STPG4: variants seen among roughly 807,000 people sequenced by gnomAD.
The protein encoded by STPG4 is sperm-tail PG-rich repeat containing 4, also known as protein STPG4.
Under a neutral mutation model 31.5 loss-of-function variants are expected in STPG4, and 41 were observed. The ratio of observed to expected loss-of-function variants is 1.30; its 90% CI spans 1.01 to 1.69. STPG4 has a LOEUF of 1.69. STPG4 is among the 40% of genes most tolerant of loss of function. The pLI is 0.00. For missense variants in STPG4, 375 were observed against 293.4 expected (o/e 1.28, Z -2.03); for synonymous variants, 141 against 103.0 (o/e 1.37, Z -2.24).
intron 5 of STPG4, among the ~76,000 whole-genome samples, chr2:47,100,823 C>G (rs1355288011): frequency 6.6e-6 from 1 of 151,674 alleles, no homozygotes; most frequent in East Asian, 1.9e-4. Context: ...CCAGTGATAC[C>G]ACGAACCCAC....
At chr2:47,128,194 A>G (rs1686401859) in intron 5 of STPG4, among the ~76,000 whole-genome samples, 1 of 152,040 alleles carries the variant, frequency 6.6e-6, no homozygotes, top group African/African-American at 2.4e-5. Flanking sequence ...CTTCCCCCAA[A>G]CAAACGAAGT....
chr2:47,114,082 T>C (rs184537414), intron 5 of STPG4, among the ~76,000 whole-genome samples: 3 of 150,452 alleles, frequency 2.0e-5, no homozygotes, highest in East Asian at 4.0e-4. Context: ...GAAAAGACTA[T>C]GCATTGGGCT....
intron 3 of STPG4, among the ~76,000 whole-genome samples, chr2:47,137,509 T>C (rs1268226384): frequency 6.6e-6 from 1 of 152,120 alleles, no homozygotes; most frequent in Non-Finnish European, 1.5e-5. Flanking sequence ...AGTTAGGAGG[T>C]GTGTCCCCTG....
At chr2:47,130,070 C>T (rs1438924719) in intron 4 of STPG4, 75 bp from the exon 5 acceptor site, 1 of 1,478,080 alleles carries the variant, frequency 6.8e-7, no homozygotes, top group African/African-American at 1.4e-5. Context: ...TTATTCCCTA[C>T]CTTTCATTAA....
chr2:47,098,372 T>C (rs1244051193), intron 5 of STPG4, among the ~76,000 whole-genome samples: 1 of 152,212 alleles, frequency 6.6e-6, no homozygotes, highest in Non-Finnish European at 1.5e-5. Flanking sequence ...CTAATATCTC[T>C]ATTTAACAGA....
At chr2:47,151,586 G>T in intron 2 of STPG4, 71 bp from the exon 3 acceptor site, 1 of 1,312,092 alleles carries the variant, frequency 7.6e-7, no homozygotes, top group Non-Finnish European at 1.1e-6. Flanking sequence ...ATTCTTGGAT[G>T]GGAAGCTCCC....
At chr2:47,107,407 A>T (rs1471847842) in intron 5 of STPG4, among the ~76,000 whole-genome samples, 2 of 152,118 alleles carry the variant, frequency 1.3e-5, no homozygotes, top group African/African-American at 2.4e-5. Context: ...CCGGGCAACG[A>T]GGGGCTTAGC....
intron 3 of STPG4, among the ~76,000 whole-genome samples, chr2:47,146,893 T>C (rs1389495918): frequency 1.3e-5 from 2 of 151,776 alleles, no homozygotes; most frequent in East Asian, 3.9e-4. Context: ...TCTCAGCACT[T>C]TGGGGGGATG....
chr2:47,099,592 G>A (rs542790271), intron 5 of STPG4, among the ~76,000 whole-genome samples: 61 of 152,256 alleles, frequency 4.0e-4, no homozygotes, highest in Non-Finnish European at 6.3e-4. Context: ...GCCCTCGCTC[G>A]CTCTCGGCGC....
intron 5 of STPG4, among the ~76,000 whole-genome samples, chr2:47,102,430 C>A (rs1664750696): frequency 6.6e-6 from 1 of 151,792 alleles, no homozygotes; most frequent in Non-Finnish European, 1.5e-5. Flanking sequence ...CCAGTATTCT[C>A]TCTCTGATGG....
At chr2:47,102,936 G>T (rs923665065) in intron 5 of STPG4, among the ~76,000 whole-genome samples, 3 of 151,876 alleles carry the variant, frequency 2.0e-5, no homozygotes, top group African/African-American at 7.3e-5. Context: ...GACCTCACTT[G>T]GAGAGATGTC....
At chr2:47,126,771 A>AT (rs1361073987) in intron 5 of STPG4, among the ~76,000 whole-genome samples, 5 of 152,044 alleles carry the variant, frequency 3.3e-5, no homozygotes, top group African/African-American at 7.2e-5. Context: ...CATTTTAAGG[A>AT]TTTTTTACTG....
chr2:47,097,214 T>C (rs1429521114), intron 5 of STPG4, among the ~76,000 whole-genome samples: 1 of 152,092 alleles, frequency 6.6e-6, no homozygotes, highest in Non-Finnish European at 1.5e-5. Flanking sequence ...ATGAGGAAAA[T>C]AAACCATAGA....
In STPG4 at chr2:47,105,310, G is replaced by A. The variant is rs571919720; in HGVS notation, c.520-14936C>T. ...TTTAAGGGTAGTTGCAGCAGTGGCC[G>A]TCTTAGTGTCAGAGGCTATCAAAAT... is the stretch of plus-strand genomic sequence containing the variant. On this transcript the variant is annotated intron_variant, in intron 5 of 6. Coordinates refer to ENST00000445927, the MANE Select transcript of STPG4 (RefSeq NM_001163561.2). 2.9e-4 allele frequency among the ~76,000 whole-genome samples: 44 copies of A among 151,922 alleles called. 3 individuals are homozygous for A. The highest frequency in any genetic ancestry group is 8.7e-4 in the African/African-American group (36 of 41,270).
chr2:47,144,940 C>T (rs965341513), intron 3 of STPG4, among the ~76,000 whole-genome samples: 2 of 152,208 alleles, frequency 1.3e-5, no homozygotes, highest in Non-Finnish European at 2.9e-5. Context: ...CTGTGTTAGC[C>T]AGGAAGGTCT....
intron 3 of STPG4, among the ~76,000 whole-genome samples, chr2:47,142,008 G>T (rs1321801326): frequency 1.3e-5 from 2 of 149,152 alleles, no homozygotes; most frequent in Admixed American, 1.4e-4. Flanking sequence ...AACTTTGGTT[G>T]ATACCATGCT....
In STPG4 at chr2:47,096,773, T is replaced by C. The variant is rs1490075744; in HGVS notation, c.520-6399A>G. Among the ~76,000 whole-genome samples the C allele has an allele frequency of 2.6e-5, 4 of 152,234 alleles. No homozygotes were observed. The East Asian group carries it at 5.8e-4, about 22-fold the overall frequency. On this transcript the variant is annotated intron_variant, in intron 5 of 6. Coordinates refer to ENST00000445927, the MANE Select transcript of STPG4 (RefSeq NM_001163561.2). ...GTTAAAGACATTTCGTCTAGGATCA[T>C]TGACTTCAGGGTGCCTACAATCTAG...
rs1038477698 is a variant in STPG4 at position 47,103,456 on chromosome 2, C to CTA, written c.520-13084_520-13083dup. ...TATTAAACCTGGCAACCTTGGTGTT[C>CTA]TATAAGAGGGACCAAGAGGAACAGG... On this transcript the variant is annotated intron_variant, in intron 5 of 6. Transcript: ENST00000445927. Among the ~76,000 whole-genome samples, 56 of 151,924 alleles carry CTA rather than the reference C, an allele frequency of 3.7e-4. 2 individuals are homozygous for CTA. The highest frequency in any genetic ancestry group is 1.3e-3 in the African/African-American group (54 of 41,276).
At chr2:47,151,179 T>C (rs961975080) in intron 3 of STPG4, 79 bp downstream of exon 3, 98 of 1,519,408 alleles carry the variant, frequency 6.4e-5, no homozygotes, top group Non-Finnish European at 8.5e-5. Context: ...GGGGAAGATA[T>C]ACTCTACGTA....
Sources: gnomAD v4.1 joint callset for allele counts (sites outside exome capture counted in the v4.1 genomes callset) on GRCh38, gnomAD v4.1.1 for gene constraint, MANE v1.5 for transcripts, NCBI Gene and HGNC (gene_info 2026-07-23, HGNC 2026-07-21) for gene names.